LRMDA: variants seen among roughly 807,000 people sequenced by gnomAD.
LRMDA encodes the protein leucine rich melanocyte differentiation associated.
A neutral mutation model predicts 29.8 loss-of-function variants in LRMDA; 18 were observed. The ratio of observed to expected loss-of-function variants is 0.60; its 90% CI spans 0.42 to 0.90. The LOEUF (loss-of-function observed/expected upper bound fraction) is 0.90. LRMDA is among the 40% of genes least tolerant of loss of function. The pLI, the probability that LRMDA is intolerant of heterozygous loss-of-function variation, is 0.00. For missense variants in LRMDA, 273 were observed against 273.9 expected (o/e 1.00, Z 0.02); for synonymous variants, 125 against 109.4 (o/e 1.14, Z -0.89).
At chr10:75,617,587 T>A (rs1467769750) in intron 2 of LRMDA, among the ~76,000 whole-genome samples, 1 of 152,226 alleles carries the variant, frequency 6.6e-6, no homozygotes, top group Non-Finnish European at 1.5e-5. Flanking sequence ...TGGCACTCAC[T>A]GCTCCCCTCT....
chr10:75,743,977 T>C (rs573013176), intron 2 of LRMDA, among the ~76,000 whole-genome samples: 169 of 152,330 alleles, frequency 1.1e-3, no homozygotes, highest in African/African-American at 3.5e-3. Flanking sequence ...TGATATTACT[T>C]AGGGGGTTTC....
chr10:76,055,515 G>GTTTT (rs1234566782), intron 4 of LRMDA, among the ~76,000 whole-genome samples: 1 of 152,202 alleles, frequency 6.6e-6, no homozygotes, highest in African/African-American at 2.4e-5. Context: ...CTTTGCCTGA[G>GTTTT]TTTTGCTTGG....
intron 5 of LRMDA, among the ~76,000 whole-genome samples, chr10:76,080,557 A>C (rs1166359787): frequency 6.6e-6 from 1 of 152,232 alleles, no homozygotes; most frequent in East Asian, 1.9e-4. Context: ...GACCAGAGGG[A>C]AATTCTGCAA....
At chr10:76,103,161 C>T (rs1849423653) in intron 5 of LRMDA, among the ~76,000 whole-genome samples, 1 of 152,182 alleles carries the variant, frequency 6.6e-6, no homozygotes, top group African/African-American at 2.4e-5. Flanking sequence ...CATCTTTCTA[C>T]TAGTTTCATG....
chr10:76,227,267 C>T (rs995709448), intron 5 of LRMDA, among the ~76,000 whole-genome samples: 7 of 152,136 alleles, frequency 4.6e-5, no homozygotes, highest in African/African-American at 1.4e-4. Flanking sequence ...GTAAATATAT[C>T]GGTAAAGTAT....
chr10:75,871,338 C>G (rs1845105643), intron 2 of LRMDA, among the ~76,000 whole-genome samples: 1 of 152,188 alleles, frequency 6.6e-6, no homozygotes, highest in African/African-American at 2.4e-5. Flanking sequence ...GCCAAATGAG[C>G]CTGTGCATAA....
intron 2 of LRMDA, among the ~76,000 whole-genome samples, chr10:75,924,572 G>T (rs1429237082): frequency 1.3e-5 from 2 of 152,218 alleles, no homozygotes; most frequent in Non-Finnish European, 2.9e-5. Flanking sequence ...AGGACTGGCT[G>T]CCCAGAGGAG....
intron 2 of LRMDA, among the ~76,000 whole-genome samples, chr10:75,984,359 C>T (rs1847226525): frequency 6.6e-6 from 1 of 152,304 alleles, no homozygotes; most frequent in South Asian, 2.1e-4. Context: ...CCTGCTGGGG[C>T]CTGGTCTGCT....
chr10:76,028,706 T>C (rs563986107), intron 2 of LRMDA, among the ~76,000 whole-genome samples: 1 of 152,296 alleles, frequency 6.6e-6, no homozygotes, highest in Admixed American at 6.5e-5. Context: ...ATCAGTATTC[T>C]TCAGGTACAT....
chr10:76,376,865 C>CTTTTTTTTTTGTTTTTTTTTTTTTT lies in LRMDA; in HGVS notation c.601+52390_601+52391insGTTTTTTTTTTTTTTTTTTTTTTTT. ...AAATGTTTGTTGGGCACTTGGAAGT[C>CTTTTTTTTTTGTTTTTTTTTTTTTT]TTTTTTTTTTTTTTTTTTTTTTTTT... On this transcript the variant is annotated intron_variant, in intron 6 of 6. Coordinates refer to ENST00000611255, the MANE Select transcript of LRMDA (RefSeq NM_001305581.2). 4.2e-5 allele frequency among the ~76,000 whole-genome samples: 2 copies of CTTTTTTTTTTGTTTTTTTTTTTTTT among 47,384 alleles called. 1 individual carries two copies. The highest frequency in any genetic ancestry group is 7.7e-5 in the Non-Finnish European group (2 of 25,832). The allele number at this position is 47,384 out of a possible 152,430, so 31.1% of individuals were successfully genotyped here.
At chr10:75,702,272 C>T (rs1842317225) in intron 2 of LRMDA, among the ~76,000 whole-genome samples, 1 of 152,194 alleles carries the variant, frequency 6.6e-6, no homozygotes, top group Non-Finnish European at 1.5e-5. Context: ...TCAGAGGTCA[C>T]TGCACATTAC....
intron 6 of LRMDA, among the ~76,000 whole-genome samples, chr10:76,475,432 T>C (rs915538350): frequency 2.6e-5 from 4 of 152,018 alleles, no homozygotes; most frequent in Admixed American, 1.3e-4. Context: ...AGACTTAGAC[T>C]CCCACACAAT....
intron 2 of LRMDA, among the ~76,000 whole-genome samples, chr10:75,612,428 T>G (rs887271163): frequency 6.6e-6 from 1 of 152,152 alleles, no homozygotes; most frequent in Non-Finnish European, 1.5e-5. Context: ...CTCTTAATTC[T>G]ACTATAATAC....
chr10:75,830,106 C>T (rs1363360758), intron 2 of LRMDA, among the ~76,000 whole-genome samples: 1 of 152,132 alleles, frequency 6.6e-6, no homozygotes, highest in Non-Finnish European at 1.5e-5. Context: ...TGCTTATGAG[C>T]ATTACTTGGG....
At position 76,495,817 on chromosome 10, in the gene LRMDA, C is replaced by T. The variant is rs913903366; in HGVS notation, c.602-61392C>T. ...ATTTCAGATTCCACCTGTCCATTTT[C>T]AGTATATAGAAAATGCAATTGATTT... is the stretch of plus-strand genomic sequence containing the variant. On this transcript the variant is annotated intron_variant, in intron 6 of 6. Coordinates refer to ENST00000611255, the MANE Select transcript of LRMDA (RefSeq NM_001305581.2). 1.5e-4 allele frequency among the ~76,000 whole-genome samples: 12 copies of T among 78,266 alleles called. 3 individuals are homozygous for T. The highest frequency in any genetic ancestry group is 3.7e-4 in the African/African-American group (12 of 32,260). The allele number at this position is 78,266 out of a possible 152,430, so 51.3% of individuals were successfully genotyped here. A position where few individuals can be genotyped will look rare whatever the true frequency, so the allele number is the denominator to read the frequency against.
chr10:75,625,140 G>T (rs1841235150), intron 2 of LRMDA, among the ~76,000 whole-genome samples: 1 of 152,180 alleles, frequency 6.6e-6, no homozygotes, highest in Admixed American at 6.5e-5. Flanking sequence ...CTGCTGAGTT[G>T]GGGCAGAGCT....
At chr10:75,760,172 C>T (rs1843078508) in intron 2 of LRMDA, among the ~76,000 whole-genome samples, 2 of 152,208 alleles carry the variant, frequency 1.3e-5, no homozygotes. Flanking sequence ...TTGTGGCTGT[C>T]TTCACCACAG....
At chr10:76,027,514 A>C (rs1848081419) in intron 2 of LRMDA, among the ~76,000 whole-genome samples, 1 of 152,232 alleles carries the variant, frequency 6.6e-6, no homozygotes, top group Admixed American at 6.5e-5. Flanking sequence ...GATAGGTATC[A>C]CACACATACA....
chr10:76,334,803 A>G (rs1840947454), intron 6 of LRMDA, among the ~76,000 whole-genome samples: 1 of 149,178 alleles, frequency 6.7e-6, no homozygotes, highest in South Asian at 2.1e-4. Flanking sequence ...CAGTCACTCA[A>G]CCATGGTTTT....
Sources: gnomAD v4.1 joint callset for allele counts (sites outside exome capture counted in the v4.1 genomes callset) on GRCh38, gnomAD v4.1.1 for gene constraint, MANE v1.5 for transcripts, NCBI Gene and HGNC (gene_info 2026-07-23, HGNC 2026-07-21) for gene names.